Variants in TTC28 observed in about 807,000 individuals in gnomAD.
TTC28 encodes tetratricopeptide repeat domain 28.
TTC28 carries 61 observed loss-of-function variants against 198.0 expected under a neutral mutation model. The ratio of observed to expected loss-of-function variants is 0.31; its 90% CI spans 0.25 to 0.38. The LOEUF is 0.38. Ranked by LOEUF, TTC28 falls within the 10% of genes least tolerant of loss-of-function variation. The probability of loss-of-function intolerance (pLI) is 1.00; values close to 1 mark genes in which losing one functional copy is unlikely to be tolerated. For synonymous variants in TTC28, 1,171 were observed against 1,297.8 expected, an observed-to-expected ratio of 0.90 and a Z score of 2.10; for missense variants, 2,678 against 3,164.0, an observed-to-expected ratio of 0.85 and a Z score of 3.69.
At chr22:28,493,644 A>G (rs2048409201) in intron 2 of TTC28, among the ~76,000 whole-genome samples, 1 of 152,222 alleles carries the variant, frequency 6.6e-6, no homozygotes, top group Non-Finnish European at 1.5e-5. Flanking sequence ...TAACATCACA[A>G]AAAGAAAAAA....
At chr22:28,539,342 A>G (rs1210827814) in intron 2 of TTC28, among the ~76,000 whole-genome samples, 1 of 152,154 alleles carries the variant, frequency 6.6e-6, no homozygotes, top group Non-Finnish European at 1.5e-5. Context: ...GAACACCTAC[A>G]TGGGTGGAGA....
At chr22:28,518,802 A>AG (rs1425981714) in intron 2 of TTC28, among the ~76,000 whole-genome samples, 1 of 152,206 alleles carries the variant, frequency 6.6e-6, no homozygotes, top group Non-Finnish European at 1.5e-5. Flanking sequence ...AGTAGTAAAA[A>AG]GGTCTTCATG....
At chr22:28,021,966 G>A (rs1938624091) in intron 13 of TTC28, among the ~76,000 whole-genome samples, 1 of 152,242 alleles carries the variant, frequency 6.6e-6, no homozygotes, top group South Asian at 2.1e-4. Flanking sequence ...GGGCTGTGAT[G>A]TGAGTACACC....
intron 2 of TTC28, among the ~76,000 whole-genome samples, chr22:28,309,653 G>A (rs1048210029): frequency 1.3e-5 from 2 of 152,106 alleles, no homozygotes; most frequent in Non-Finnish European, 2.9e-5. Context: ...TTATATATAC[G>A]GACGCAGTAT....
At chr22:28,426,157 A>G (rs1364459464) in intron 2 of TTC28, among the ~76,000 whole-genome samples, 1 of 149,022 alleles carries the variant, frequency 6.7e-6, no homozygotes, top group Non-Finnish European at 1.5e-5. Flanking sequence ...AGTTGCAGTG[A>G]GCTGAGATCG....
chr22:28,210,531 G>C (rs1265200076), intron 5 of TTC28, among the ~76,000 whole-genome samples: 1 of 152,110 alleles, frequency 6.6e-6, no homozygotes, highest in Non-Finnish European at 1.5e-5. Context: ...GTGGAAGAAA[G>C]GGTATCAGTG....
chr22:28,576,135 T>C (rs976705218), intron 2 of TTC28, among the ~76,000 whole-genome samples: 1 of 152,174 alleles, frequency 6.6e-6, no homozygotes, highest in African/African-American at 2.4e-5. Context: ...AGCTCTGTTG[T>C]ACATGGCTTT....
At chr22:28,486,388 A>G (rs1287540502) in intron 2 of TTC28, among the ~76,000 whole-genome samples, 1 of 152,140 alleles carries the variant, frequency 6.6e-6, no homozygotes, top group Admixed American at 6.6e-5. Context: ...CACTGAGATG[A>G]ATTGTCTCAT....
At chr22:28,678,445 T>C (rs1042114364) in intron 1 of TTC28, among the ~76,000 whole-genome samples, 5 of 152,142 alleles carry the variant, frequency 3.3e-5, no homozygotes, top group Admixed American at 3.3e-4. Flanking sequence ...CTTGGCTCAC[T>C]ACAGCCTCAA....
intron 6 of TTC28, among the ~76,000 whole-genome samples, chr22:28,137,427 C>A (rs900136858): frequency 6.6e-6 from 1 of 152,154 alleles, no homozygotes; most frequent in Non-Finnish European, 1.5e-5. Flanking sequence ...GTACAGGTAG[C>A]AGACCAGCAA....
At chr22:28,183,878 T>C (rs1260741960) in intron 5 of TTC28, among the ~76,000 whole-genome samples, 2 of 152,216 alleles carry the variant, frequency 1.3e-5, no homozygotes. Context: ...TAAAACATAG[T>C]ACTATGCTCT....
At chr22:28,437,185 C>T (rs1455253217) in intron 2 of TTC28, among the ~76,000 whole-genome samples, 1 of 152,066 alleles carries the variant, frequency 6.6e-6, no homozygotes, top group Admixed American at 6.6e-5. Flanking sequence ...TGGGTTCAAG[C>T]GATTCTCGTG....
intron 2 of TTC28, among the ~76,000 whole-genome samples, chr22:28,552,799 C>T (rs973028890): frequency 2.0e-5 from 3 of 149,812 alleles, no homozygotes; most frequent in African/African-American, 7.3e-5. Context: ...CCACGGTCTC[C>T]CTCTCCCTCT....
intron 2 of TTC28, among the ~76,000 whole-genome samples, chr22:28,312,952 G>T (rs1024195012): frequency 2.0e-5 from 3 of 151,648 alleles, no homozygotes; most frequent in African/African-American, 7.3e-5. Flanking sequence ...CAACAAAATA[G>T]ATAGACCACT....
intron 2 of TTC28, among the ~76,000 whole-genome samples, chr22:28,493,197 T>G (rs2048402690): frequency 6.6e-6 from 1 of 151,540 alleles, no homozygotes; most frequent in African/African-American, 2.4e-5. Flanking sequence ...CTCTACTAAA[T>G]ATACAAAAAT....
intron 2 of TTC28, among the ~76,000 whole-genome samples, chr22:28,459,540 G>A (rs1033078298): frequency 5.9e-5 from 9 of 152,092 alleles, no homozygotes; most frequent in African/African-American, 1.4e-4. Flanking sequence ...AAGTGCCACC[G>A]ACCCCCCTCC....
chr22:28,643,749 C>G (rs994750285), intron 1 of TTC28, among the ~76,000 whole-genome samples: 52 of 152,208 alleles, frequency 3.4e-4, no homozygotes, highest in African/African-American at 1.2e-3. Flanking sequence ...AATATGTTAA[C>G]GTATATTGTG....
chr22:28,601,634 T>C (rs1409058021), intron 2 of TTC28, among the ~76,000 whole-genome samples: 1 of 152,150 alleles, frequency 6.6e-6, no homozygotes, highest in South Asian at 2.1e-4. Context: ...TTGGTAACCA[T>C]AGGAGGTCCT....
chr22:28,090,394 C>A (rs9608665), intron 12 of TTC28, among the ~76,000 whole-genome samples: 1 of 151,686 alleles, frequency 6.6e-6, no homozygotes, highest in Non-Finnish European at 1.5e-5. Context: ...ATTAAAAATT[C>A]TTTGTAAACA....
Sources: gnomAD v4.1 joint callset for allele counts (sites outside exome capture counted in the v4.1 genomes callset) on GRCh38, gnomAD v4.1.1 for gene constraint, MANE v1.5 for transcripts, NCBI Gene and HGNC (gene_info 2026-07-23, HGNC 2026-07-21) for gene names.